LGALS9: variants seen among roughly 807,000 people sequenced by gnomAD.
LGALS9 encodes galectin-9.
LGALS9 carries 26 observed loss-of-function variants against 35.9 expected under a neutral mutation model. The ratio of observed to expected loss-of-function variants is 0.72; its 90% CI spans 0.53 to 1.01. The LOEUF (loss-of-function observed/expected upper bound fraction) is 1.01, where lower values mean the gene tolerates loss of function less well. Ranked by LOEUF, LGALS9 falls within the 50% of genes least tolerant of loss-of-function variation. The pLI is 0.00. For missense variants in LGALS9, 347 were observed against 445.8 expected (o/e 0.78, Z 1.99); for synonymous variants, 149 against 172.2 (o/e 0.87, Z 1.06).
chr17:27,631,400 G>A, intron 1 of LGALS9, 96 bp downstream of exon 1: 3 of 1,506,838 alleles, frequency 2.0e-6, no homozygotes, highest in Non-Finnish European at 2.8e-6. Context: ...GGGGATGGGG[G>A]TGGGGGCATC....
intron 5 of LGALS9, chr17:27,644,535 C>G (rs1383781169): frequency 6.6e-6 from 1 of 152,398 alleles, no homozygotes; most frequent in Non-Finnish European, 1.5e-5. Flanking sequence ...AGGGCAAGAA[C>G]AGTCTACTGG....
At chr17:27,642,124 C>A (rs948137498) in intron 3 of LGALS9, 114 bp from the exon 4 acceptor site, 23 of 1,510,224 alleles carry the variant, frequency 1.5e-5, no homozygotes, top group Admixed American at 2.0e-5. Context: ...ACTGGCCCCA[C>A]ACTGAAGACC....
chr17:27,643,348 C>G (rs1345066164), intron 4 of LGALS9, among the ~76,000 whole-genome samples, 177 bp from the exon 5 acceptor site: 1 of 152,176 alleles, frequency 6.6e-6, no homozygotes, highest in African/African-American at 2.4e-5. Context: ...AGACCGCACC[C>G]CTGCACTGCT....
chr17:27,643,604 G>C lies in LGALS9; in HGVS notation c.524G>C (p.Arg175Thr). Residue 175 changes from arginine to threonine, a missense_variant, in exon 5 of 11, where the codon AGG becomes ACG. Arg to Thr is a moderately conservative substitution (Grantham distance 71, BLOSUM62 -1). Coordinates refer to ENST00000395473, the MANE Select transcript of LGALS9 (RefSeq NM_009587.3). ...CCTGTCTGTTTCCCACCCAGGCCCA[G>C]GGGGCGCAGACAAAAAGTGAGTTCA... ...SQPVCFPPRP[R>T]GRRQKPPGVW... 1 of 1,611,590 alleles carries C rather than the reference G, an allele frequency of 6.2e-7. No individual in the cohort carries two copies. The highest frequency in any genetic ancestry group is 8.5e-7 in the Non-Finnish European group (1 of 1,179,626).
intron 3 of LGALS9, 195 bp downstream of exon 3, chr17:27,640,968 C>A (rs1178928886): frequency 7.0e-6 from 6 of 861,854 alleles, no homozygotes; most frequent in Non-Finnish European, 5.8e-6. Context: ...TCTACAGGTG[C>A]ACCTGCTGCT....
intron 3 of LGALS9, among the ~76,000 whole-genome samples, chr17:27,641,748 C>T (rs756062206): frequency 4.6e-5 from 7 of 151,892 alleles, no homozygotes; most frequent in Non-Finnish European, 8.8e-5. Context: ...CTGAGGAGGG[C>T]GGATCGCTTC....
chr17:27,644,507 G>T (rs1447508851), intron 5 of LGALS9: 1 of 152,424 alleles, frequency 6.6e-6, no homozygotes. Flanking sequence ...CACAGCCAGG[G>T]AGAATGGGAT....
chr17:27,643,416 A>T (rs920237803), intron 4 of LGALS9, 109 bp from the exon 5 acceptor site: 1 of 1,535,038 alleles, frequency 6.5e-7, no homozygotes, highest in African/African-American at 1.4e-5. Context: ...CCCTTGCCTC[A>T]TCGCCCTGCC....
At chr17:27,646,633 C>T (rs1904969170) in intron 8 of LGALS9, 45 bp downstream of exon 8, 23 of 1,612,932 alleles carry the variant, frequency 1.4e-5, no homozygotes, top group Non-Finnish European at 1.9e-5. Context: ...TTGTGGTGGG[C>T]AGGCTGGGGG....
At chr17:27,632,790 CT>C (rs1404760812) in intron 1 of LGALS9, among the ~76,000 whole-genome samples, 1 of 152,232 alleles carries the variant, frequency 6.6e-6, no homozygotes, top group African/African-American at 2.4e-5. Context: ...AGTGCAGCCC[CT>C]ATGGGTGTCC....
chr17:27,636,912 C>A (rs1393980424), intron 1 of LGALS9, among the ~76,000 whole-genome samples: 2 of 152,150 alleles, frequency 1.3e-5, no homozygotes, highest in Non-Finnish European at 2.9e-5. Flanking sequence ...GCAATCACTG[C>A]TTAGCACGGA....
At chr17:27,640,940 TATGCACCTTC>T (rs770932408) in intron 3 of LGALS9, 167 bp downstream of exon 3, 1 of 1,060,162 alleles carries the variant, frequency 9.4e-7, no homozygotes, top group African/African-American at 1.6e-5. Context: ...CTAGTCTCCT[TATGCACCTTC>T]ATCTGAATCT....
Position 27,633,207 on chromosome 17 carries a change from C to A in LGALS9, c.39+1903C>A, listed in dbSNP as rs187946815. Reference sequence around the variant, plus strand: ...GTGTAACTTTGAGCAAGTGACTGAACTTTTCTGTGCCTCAGTTTCCTCATC... The same window carrying A: ...GTGTAACTTTGAGCAAGTGACTGAAATTTTCTGTGCCTCAGTTTCCTCATC... On this transcript the variant is annotated intron_variant, in intron 1 of 10. Coordinates refer to ENST00000395473, the MANE Select transcript of LGALS9 (RefSeq NM_009587.3). Among the ~76,000 whole-genome samples, 8 of 152,354 alleles carry A rather than the reference C, an allele frequency of 5.3e-5. No homozygotes were observed. The East Asian group carries it at 1.3e-3, about 26-fold the overall frequency.
chr17:27,646,405 G>A, intron 7 of LGALS9, 142 bp from the exon 8 acceptor site: 2 of 1,299,110 alleles, frequency 1.5e-6, no homozygotes, highest in Non-Finnish European at 2.2e-6. Context: ...TGAAAAGGGA[G>A]GTAGACGGGC....
In LGALS9 at chr17:27,647,207, G is replaced by C. The variant is rs1905017818; in HGVS notation, c.759-63G>C. The stretch of plus-strand genomic sequence containing the variant: ...CCCTGGCTTCAGGAAGGCTACTGAT[G>C]ATGGGGAGGAAATGGGACTCAGAAT... On this transcript the variant is annotated intron_variant, in intron 9 of 10. Coordinates refer to ENST00000395473, the MANE Select transcript of LGALS9 (RefSeq NM_009587.3). 5.0e-6 allele frequency: 8 copies of C among 1,613,650 alleles called. No homozygotes were observed. The South Asian group carries it at 8.8e-5, about 18-fold the overall frequency.
intron 1 of LGALS9, among the ~76,000 whole-genome samples, chr17:27,633,192 G>A (rs2074409263): frequency 6.6e-6 from 1 of 152,232 alleles, no homozygotes; most frequent in South Asian, 2.1e-4. Context: ...GTGTAACTTT[G>A]AGCAAGTGAC....
chr17:27,635,213 G>A (rs557885961), intron 1 of LGALS9, among the ~76,000 whole-genome samples: 2 of 152,148 alleles, frequency 1.3e-5, no homozygotes, highest in South Asian at 4.1e-4. Context: ...CCCTTTGGGA[G>A]GCCGAGCCGG....
Position 27,631,241 on chromosome 17 carries a change from C to T in LGALS9, c.-25C>T, listed in dbSNP as rs766383056. On this transcript the variant is annotated 5_prime_UTR_variant, in exon 1 of 11. Coordinates refer to ENST00000395473, the MANE Select transcript of LGALS9 (RefSeq NM_009587.3). Reference sequence around the variant, plus strand: ...ACTTCCTAGTGGGTGTGAAAGGCAGCGGTGGCCACAGAGGCGGCGGAGAGA... The same window carrying T: ...ACTTCCTAGTGGGTGTGAAAGGCAGTGGTGGCCACAGAGGCGGCGGAGAGA... The T allele has an allele frequency of 9.3e-6, 15 of 1,613,970 alleles. No homozygotes were observed. The highest frequency in any genetic ancestry group is 7.7e-5 in the South Asian group (7 of 91,088).
At chr17:27,642,517 C>G in intron 4 of LGALS9, 169 bp downstream of exon 4, 2 of 1,153,332 alleles carry the variant, frequency 1.7e-6, no homozygotes, top group Non-Finnish European at 1.2e-6. Flanking sequence ...CTCTGTCACT[C>G]TGCCCCTCCT....
Sources: allele counts gnomAD v4.1 joint callset (sites outside exome capture counted in the v4.1 genomes callset), GRCh38; gene constraint gnomAD v4.1.1; transcripts MANE v1.5; gene names NCBI Gene and HGNC (gene_info 2026-07-23, HGNC 2026-07-21).